The following CAST variants were observed in gnomAD, a reference collection of about 807,000 sequenced individuals.
CAST encodes the protein calpastatin.
A neutral mutation model predicts 119.6 loss-of-function variants in CAST; 76 were observed. That is an observed-to-expected ratio of 0.64 (90% CI 0.53 to 0.77). The LOEUF is 0.77. Ranked by LOEUF, CAST falls within the 30% of genes least tolerant of loss-of-function variation. The pLI is 0.00. For synonymous variants in CAST, 319 were observed against 331.6 expected (o/e 0.96, Z 0.41); for missense variants, 953 against 946.5 (o/e 1.01, Z -0.09).
At chr5:96,078,133 T>C in the CAST span, among the ~76,000 whole-genome samples, 4 of 152,194 alleles carry the variant, frequency 2.6e-5, no homozygotes, top group Non-Finnish European at 4.4e-5. Context: ...CTCTTGTCTC[T>C]TATGATAAAG....
At chr5:96,267,572 C>T in the CAST span, among the ~76,000 whole-genome samples, 1 of 152,054 alleles carries the variant, frequency 6.6e-6, no homozygotes, top group Non-Finnish European at 1.5e-5. Context: ...TTGTATCCAG[C>T]AAAGCTATCC....
the CAST span, among the ~76,000 whole-genome samples, chr5:96,173,154 C>G: frequency 6.6e-6 from 1 of 152,162 alleles, no homozygotes; most frequent in African/African-American, 2.4e-5. Context: ...ACTACAAAGG[C>G]TGAGACTCCC....
At chr5:96,226,972 T>G in the CAST span, among the ~76,000 whole-genome samples, 1 of 152,232 alleles carries the variant, frequency 6.6e-6, no homozygotes, top group Non-Finnish European at 1.5e-5. Context: ...CTTCTGAGTG[T>G]CCACGGTTTC....
Position 96,742,669 on chromosome 5 carries a change from T to C in CAST, c.1113T>C (p.Asp371=), listed in dbSNP as rs746416234. ...KRKVEKDTMS[D]QALEALSASL... ...ACTTTTAACAGGATACAATGAGTGA[T>C]CAAGCACTCGAGGCTCTGTCGGCTT... Residue 371 remains aspartate (D), a synonymous_variant, in exon 16 of 32, where the codon GAT becomes GAC. Coordinates refer to ENST00000675179, the MANE Select transcript of CAST (RefSeq NM_001750.7). 6.2e-6 allele frequency: 10 copies of C among 1,612,606 alleles called. No individual in the cohort carries two copies. In the South Asian group the frequency reaches 9.9e-5, roughly 16 times the overall value.
intron 1 of CAST, among the ~76,000 whole-genome samples, chr5:96,617,268 G>A (rs148928544): frequency 3.6e-3 from 540 of 151,988 alleles, no homozygotes; most frequent in African/African-American, 0.012. Flanking sequence ...ACAACTTTAG[G>A]TAGGGTTCAT....
At chr5:96,528,992 C>G (rs1393746776), upstream of CAST, among the ~76,000 whole-genome samples, 1 of 152,202 alleles carries the variant, frequency 6.6e-6, no homozygotes, top group Non-Finnish European at 1.5e-5. Context: ...GTGACTACGA[C>G]TCCTCCTGAC....
the CAST span, among the ~76,000 whole-genome samples, chr5:96,402,499 C>T: frequency 6.6e-6 from 1 of 152,118 alleles, no homozygotes; most frequent in Non-Finnish European, 1.5e-5. Flanking sequence ...GTGCCTGGTG[C>T]TTCTCCACTC....
intron 1 of CAST, among the ~76,000 whole-genome samples, chr5:96,599,108 C>T (rs142820316): frequency 6.6e-6 from 1 of 152,184 alleles, no homozygotes; most frequent in Non-Finnish European, 1.5e-5. Flanking sequence ...TCTGAAGAAC[C>T]CTGACTAATA....
At chr5:96,260,665 A>G in the CAST span, among the ~76,000 whole-genome samples, 3 of 152,208 alleles carry the variant, frequency 2.0e-5, no homozygotes. Flanking sequence ...TAAACAAATC[A>G]TGATCTGAAC....
At chr5:96,642,698 C>A (rs1385763529) in intron 1 of CAST, among the ~76,000 whole-genome samples, 1 of 152,040 alleles carries the variant, frequency 6.6e-6, no homozygotes, top group Middle Eastern at 3.4e-3. Context: ...CCCGGCACCA[C>A]GCCCAGCTAA....
chr5:96,427,388 T>C, the CAST span, among the ~76,000 whole-genome samples: 953 of 152,342 alleles, frequency 6.3e-3, 11 homozygotes, highest in African/African-American at 0.022. Flanking sequence ...TTATGCATTA[T>C]AGGTATCATG....
the CAST span, among the ~76,000 whole-genome samples, chr5:96,225,638 A>G: frequency 6.6e-6 from 1 of 152,214 alleles, no homozygotes; most frequent in South Asian, 2.1e-4. Flanking sequence ...ACTAATGTAT[A>G]TGTAAATAGC....
At chr5:96,346,406 T>C in the CAST span, among the ~76,000 whole-genome samples, 1 of 152,144 alleles carries the variant, frequency 6.6e-6, no homozygotes, top group Non-Finnish European at 1.5e-5. Context: ...GTGGATCAGA[T>C]AATGGATTTG....
At chr5:96,425,691 C>T in the CAST span, 1 of 681,526 alleles carries the variant, frequency 1.5e-6, no homozygotes. Flanking sequence ...CAGCCCTAAT[C>T]TCCAGACAAT....
At chr5:96,185,458 C>A in the CAST span, among the ~76,000 whole-genome samples, 1 of 152,116 alleles carries the variant, frequency 6.6e-6, no homozygotes, top group Non-Finnish European at 1.5e-5. Context: ...CCTAGATTTT[C>A]TTCAAGGGTT....
At chr5:96,092,958 C>T in the CAST span, among the ~76,000 whole-genome samples, 1 of 152,072 alleles carries the variant, frequency 6.6e-6, no homozygotes, top group Non-Finnish European at 1.5e-5. Context: ...CATTGTTCGG[C>T]GATTTTTCCA....
At chr5:96,219,605 A>G in the CAST span, among the ~76,000 whole-genome samples, 17 of 152,286 alleles carry the variant, frequency 1.1e-4, no homozygotes, top group Non-Finnish European at 2.2e-4. Flanking sequence ...TAGGAGGTCA[A>G]GGCTTCAGTG....
chr5:96,529,323 C>T (rs1011444693), upstream of CAST, among the ~76,000 whole-genome samples: 3 of 150,354 alleles, frequency 2.0e-5, no homozygotes, highest in South Asian at 2.1e-4. Context: ...AAAAGGTACT[C>T]ATATTGTTTT....
intron 3 of CAST, among the ~76,000 whole-genome samples, chr5:96,700,707 A>G (rs765367971): frequency 4.3e-4 from 66 of 152,300 alleles, no homozygotes; most frequent in Non-Finnish European, 4.3e-4. Context: ...GAAGCCAAGA[A>G]ATTCTGATTC....
Sources: gnomAD v4.1 joint callset for allele counts (sites outside exome capture counted in the v4.1 genomes callset) on GRCh38, gnomAD v4.1.1 for gene constraint, MANE v1.5 for transcripts, NCBI Gene and HGNC (gene_info 2026-07-23, HGNC 2026-07-21) for gene names.